GDAP1: variants seen among roughly 807,000 people sequenced by gnomAD.
GDAP1 encodes ganglioside-induced differentiation-associated protein 1.
GDAP1 carries 34 observed loss-of-function variants against 40.1 expected under a neutral mutation model. That is an observed-to-expected ratio of 0.85 (90% CI 0.64 to 1.13). The LOEUF (loss-of-function observed/expected upper bound fraction) is 1.13, where lower values mean the gene tolerates loss of function less well. Ranked by LOEUF, GDAP1 falls within the 50% of genes most tolerant of loss-of-function variation. GDAP1 has a pLI of 0.00. For synonymous variants in GDAP1, 170 were observed against 157.4 expected (o/e 1.08, Z -0.60); for missense variants, 374 against 433.7 (o/e 0.86, Z 1.22).
intron 2 of GDAP1, among the ~76,000 whole-genome samples, chr8:74,378,396 C>A (rs1284774839): frequency 1.3e-5 from 2 of 152,132 alleles, no homozygotes; most frequent in African/African-American, 4.8e-5. Flanking sequence ...ACATTGCTGG[C>A]CCCAGCCAGT....
chr8:74,393,262 T>G (rs1453738833), intron 2 of GDAP1, among the ~76,000 whole-genome samples: 1 of 152,228 alleles, frequency 6.6e-6, no homozygotes, highest in African/African-American at 2.4e-5. Context: ...TGGCAATTTC[T>G]GATATGGACA....
At position 74,350,583 on chromosome 8, in the gene GDAP1, A is replaced by C; in HGVS notation, c.117+5A>C. The C allele has an allele frequency of 6.5e-7, 1 of 1,540,612 alleles. No individual in the cohort carries two copies. The highest frequency in any genetic ancestry group is 9.0e-7 in the Non-Finnish European group (1 of 1,112,896). ...CATTCCTTCAGCTCTCAAAAGGTACAACAGGCCTTGGCGGCGGAGGGTGGC... is the reference window on the plus strand; with the variant it reads ...CATTCCTTCAGCTCTCAAAAGGTACCACAGGCCTTGGCGGCGGAGGGTGGC... On this transcript the variant is annotated splice_donor_5th_base_variant and intron_variant, in intron 1 of 5. Coordinates refer to ENST00000220822, the MANE Select transcript of GDAP1 (RefSeq NM_018972.4).
At chr8:74,397,758 G>C (rs1810234470) in intron 2 of GDAP1, among the ~76,000 whole-genome samples, 2 of 152,224 alleles carry the variant, frequency 1.3e-5, no homozygotes, top group Admixed American at 6.5e-5. Flanking sequence ...GGTTACTGTA[G>C]CCTTGTAGTA....
chr8:74,407,145 T>A (rs544402042), intron 2 of GDAP1, among the ~76,000 whole-genome samples: 1 of 149,882 alleles, frequency 6.7e-6, no homozygotes, highest in Non-Finnish European at 1.5e-5. Context: ...ATCAGAAAAA[T>A]TGTGATCTGG....
At chr8:74,478,884 G>A (rs1057252504) in intron 2 of GDAP1, among the ~76,000 whole-genome samples, 2 of 152,152 alleles carry the variant, frequency 1.3e-5, no homozygotes, top group Non-Finnish European at 2.9e-5. Flanking sequence ...TCTTCCCCAG[G>A]AGTCACTGTG....
intron 2 of GDAP1, among the ~76,000 whole-genome samples, chr8:74,406,301 C>T (rs1805639790): frequency 6.7e-6 from 1 of 150,284 alleles, no homozygotes; most frequent in Non-Finnish European, 1.5e-5. Flanking sequence ...GTTTAAGACA[C>T]TCCGTGCCAT....
rs186940397 is a variant in GDAP1 at position 74,469,505 on chromosome 8, A to G, written c.166-19173A>G. Among the ~76,000 whole-genome samples the G allele has an allele frequency of 5.9e-3, 900 of 151,424 alleles. 3 individuals are homozygous for G. Among genetic ancestry groups the G allele is most frequent in the Middle Eastern group, 0.021 (6 of 292 alleles). On this transcript the variant is annotated intron_variant, in intron 2 of 2. Coordinates refer to the GDAP1 transcript ENST00000523640. ...AACACGATGAAACCCCGTCTCTACT[A>G]AAAATACAAAAAATTAGCCGGGCGC...
In GDAP1 at chr8:74,409,642, C is replaced by A. The variant is rs1040248742; in HGVS notation, c.165+58321C>A. The stretch of plus-strand genomic sequence containing the variant: ...TTCTGCAATTATAGGCGTGAGCCAC[C>A]GCACCTGACCCTCAGTTCCTTTCTC... On this transcript the variant is annotated intron_variant, in intron 2 of 2. Transcript: ENST00000523640. Among the ~76,000 whole-genome samples, 8 of 149,970 alleles carry A rather than the reference C, an allele frequency of 5.3e-5. 1 individual carries two copies. Among genetic ancestry groups the A allele is most frequent in the African/African-American group, 2.0e-4 (8 of 39,324 alleles).
chr8:74,475,345 T>A (rs1169955830), intron 2 of GDAP1, among the ~76,000 whole-genome samples: 1 of 152,144 alleles, frequency 6.6e-6, no homozygotes, highest in Non-Finnish European at 1.5e-5. Flanking sequence ...GGTTTGCTCT[T>A]GCTTCTCTGG....
chr8:74,440,163 A>G (rs1431888286), intron 2 of GDAP1, among the ~76,000 whole-genome samples: 1 of 152,138 alleles, frequency 6.6e-6, no homozygotes, highest in Non-Finnish European at 1.5e-5. Flanking sequence ...TCCACTAGAG[A>G]AATTTTGCAT....
chr8:74,360,762 G>A (rs1809322624), intron 3 of GDAP1, among the ~76,000 whole-genome samples: 1 of 152,220 alleles, frequency 6.6e-6, no homozygotes, highest in Admixed American at 6.5e-5. Context: ...TATGTTCAGT[G>A]ATAGTAGATT....
intron 2 of GDAP1, among the ~76,000 whole-genome samples, chr8:74,445,184 A>G (rs1806212487): frequency 6.6e-6 from 1 of 152,216 alleles, no homozygotes; most frequent in Non-Finnish European, 1.5e-5. Flanking sequence ...CTTCCAGGAA[A>G]GATATCTGTA....
downstream of GDAP1, among the ~76,000 whole-genome samples, chr8:74,370,498 T>C (rs1809729595): frequency 6.6e-6 from 1 of 152,184 alleles, no homozygotes; most frequent in Non-Finnish European, 1.5e-5. Flanking sequence ...GAACACGTTG[T>C]TAGCTCTGGA....
chr8:74,414,935 C>G (rs1778286601), intron 2 of GDAP1, among the ~76,000 whole-genome samples: 1 of 149,804 alleles, frequency 6.7e-6, no homozygotes, highest in Admixed American at 6.6e-5. Flanking sequence ...TCAAAGCAAA[C>G]AGAGAAAAAA....
intron 2 of GDAP1, among the ~76,000 whole-genome samples, chr8:74,414,169 A>T (rs1464477918): frequency 6.7e-6 from 1 of 150,266 alleles, no homozygotes; most frequent in African/African-American, 2.5e-5. Flanking sequence ...TGAATGCCCA[A>T]ATAAAAACAA....
At chr8:74,429,884 A>G (rs978859280) in intron 2 of GDAP1, among the ~76,000 whole-genome samples, 11 of 152,280 alleles carry the variant, frequency 7.2e-5, no homozygotes, top group African/African-American at 2.6e-4. Context: ...TTTATGTATC[A>G]AGGAACATGA....
At chr8:74,475,165 T>C (rs6472854) in intron 2 of GDAP1, among the ~76,000 whole-genome samples, 61,331 of 151,958 alleles carry the variant, frequency 0.4, 12,686 homozygotes, top group East Asian at 0.48. Context: ...TTGATCTTCT[T>C]GCTTTTCTTT....
intron 2 of GDAP1, among the ~76,000 whole-genome samples, chr8:74,389,333 T>G (rs1355689505): frequency 6.6e-6 from 1 of 152,206 alleles, no homozygotes; most frequent in Non-Finnish European, 1.5e-5. Context: ...CTTTCCATAT[T>G]TAGTACTTTC....
chr8:74,350,470 G>A lies in GDAP1; in HGVS notation c.9G>A (p.Glu3=). The change falls in exon 1 of 6, where the codon GAG becomes GAA. Residue 3 remains glutamate (E), a synonymous_variant. Transcript: ENST00000220822. The stretch of plus-strand genomic sequence containing the variant: ...TGCTCGCGCACCCCAAGATGGCTGA[G>A]AGGCAGGAAGAGCAGAGAGGGAGCC... MA[E]RQEEQRGSPP... The A allele has an allele frequency of 6.2e-7, 1 of 1,608,548 alleles. No individual in the cohort carries two copies. The highest frequency in any genetic ancestry group is 1.3e-5 in the African/African-American group (1 of 74,990).
Sources: allele counts gnomAD v4.1 joint callset (sites outside exome capture counted in the v4.1 genomes callset), GRCh38; gene constraint gnomAD v4.1.1; transcripts MANE v1.5; gene names NCBI Gene and HGNC (gene_info 2026-07-23, HGNC 2026-07-21).